The following UGP2 variants were observed in gnomAD, a reference collection of about 807,000 sequenced individuals.
The protein encoded by UGP2 is UTP--glucose-1-phosphate uridylyltransferase.
UGP2 carries 40 observed loss-of-function variants against 49.0 expected under a neutral mutation model. The observed-to-expected ratio is 0.82, with a 90% CI of 0.63 to 1.06. UGP2 has a LOEUF of 1.06. Ranked by LOEUF, UGP2 falls within the 50% of genes least tolerant of loss-of-function variation. The probability of loss-of-function intolerance (pLI) is 0.00; values close to 1 mark genes in which losing one functional copy is unlikely to be tolerated. For missense variants in UGP2, 460 were observed against 603.5 expected (o/e 0.76, Z 2.49); for synonymous variants, 225 against 213.0 (o/e 1.06, Z -0.49).
chr2:63,841,115 T>C (rs558833284), upstream of UGP2: 6 of 151,636 alleles, frequency 4.0e-5, no homozygotes, highest in East Asian at 9.8e-4. Flanking sequence ...AAGGTGTGCA[T>C]GTGTGAGGGA....
chr2:63,856,829 A>C (rs1175186334), intron 2 of UGP2: 10 of 458,468 alleles, frequency 2.2e-5, no homozygotes, highest in Non-Finnish European at 3.9e-5. Context: ...GACAATTGTC[A>C]TAGAAGTTTT....
chr2:63,869,300 A>G (rs1349317290), intron 3 of UGP2, among the ~76,000 whole-genome samples: 1 of 152,224 alleles, frequency 6.6e-6, no homozygotes, highest in African/African-American at 2.4e-5. Flanking sequence ...TGCCAATCTC[A>G]CTGTATTTAT....
At chr2:63,863,222 T>C (rs933737474) in intron 3 of UGP2, among the ~76,000 whole-genome samples, 10 of 152,226 alleles carry the variant, frequency 6.6e-5, no homozygotes, top group Admixed American at 4.6e-4. Flanking sequence ...TTGAACTTCT[T>C]AAAATTTCTA....
chr2:63,849,754 C>A (rs961913644), intron 1 of UGP2, among the ~76,000 whole-genome samples: 3 of 152,100 alleles, frequency 2.0e-5, no homozygotes, highest in Non-Finnish European at 2.9e-5. Flanking sequence ...AGAAACAGGG[C>A]GCCAGGCAAC....
At chr2:63,853,381 T>TAA (rs1247739704) in intron 1 of UGP2, among the ~76,000 whole-genome samples, 1 of 152,158 alleles carries the variant, frequency 6.6e-6, no homozygotes, top group African/African-American at 2.4e-5. Flanking sequence ...ATAATCAAGA[T>TAA]AGCTTTATCT....
chr2:63,874,570 CT>C (rs1007884536), intron 3 of UGP2, among the ~76,000 whole-genome samples: 31 of 152,100 alleles, frequency 2.0e-4, no homozygotes. Flanking sequence ...GAATAGAGCA[CT>C]TCAAGGTTTA....
intron 3 of UGP2, among the ~76,000 whole-genome samples, chr2:63,858,678 T>C (rs1260160516): frequency 6.6e-6 from 1 of 152,166 alleles, no homozygotes; most frequent in Non-Finnish European, 1.5e-5. Flanking sequence ...TTTAATTTCC[T>C]TGACCCTAGT....
At chr2:63,883,733 A>T (rs1192935139) in intron 4 of UGP2, among the ~76,000 whole-genome samples, 1 of 152,184 alleles carries the variant, frequency 6.6e-6, no homozygotes, top group Non-Finnish European at 1.5e-5. Flanking sequence ...TAAAATGCAG[A>T]CAGTAGTTTC....
chr2:63,842,567 G>A (rs1299787354), intron 1 of UGP2: 1 of 1,503,340 alleles, frequency 6.7e-7, no homozygotes, highest in Non-Finnish European at 8.9e-7. Context: ...AGACGGGAAG[G>A]GCTGGGGAAG....
At chr2:63,874,177 G>C (rs904619944) in intron 3 of UGP2, among the ~76,000 whole-genome samples, 1 of 152,142 alleles carries the variant, frequency 6.6e-6, no homozygotes, top group African/African-American at 2.4e-5. Flanking sequence ...AAGTGAAAGG[G>C]GAAAAAAATG....
At chr2:63,853,748 T>C (rs754949299) in intron 1 of UGP2, among the ~76,000 whole-genome samples, 2 of 152,192 alleles carry the variant, frequency 1.3e-5, no homozygotes, top group Non-Finnish European at 2.9e-5. Flanking sequence ...AACAAAAATA[T>C]TCACTTGTCA....
chr2:63,844,042 A>G (rs1671760165), intron 1 of UGP2, among the ~76,000 whole-genome samples: 1 of 152,216 alleles, frequency 6.6e-6, no homozygotes, highest in African/African-American at 2.4e-5. Context: ...ACTTAGGCAT[A>G]TGCCATAGCC....
At position 63,857,921 on chromosome 2, in the gene UGP2, A is replaced by AC. The variant is rs1441597493; in HGVS notation, c.245dup (p.Glu83Ter). The AC allele has an allele frequency of 2.5e-6, 4 of 1,613,582 alleles. No individual in the cohort carries two copies. The highest frequency in any genetic ancestry group is 1.1e-5 in the South Asian group (1 of 91,018). ...CTGTGGATTGGGGAAAAATCCAGAGACCCCCTGAAGATTCGGTAAGTTTTA... is the reference window on the plus strand; with the variant it reads ...CTGTGGATTGGGGAAAAATCCAGAGACCCCCCTGAAGATTCGGTAAGTTTTA... On this transcript the variant is annotated frameshift_variant, in exon 3 of 10. Transcript: ENST00000337130. LOFTEE classifies it high-confidence loss of function.
At chr2:63,862,714 G>T (rs1181668456) in intron 3 of UGP2, 1 of 423,552 alleles carries the variant, frequency 2.4e-6, no homozygotes, top group South Asian at 1.7e-5. Flanking sequence ...AAATCAGAGT[G>T]TGGGTTTAGG....
intron 3 of UGP2, among the ~76,000 whole-genome samples, chr2:63,867,412 A>C (rs1319327097): frequency 6.6e-6 from 1 of 152,188 alleles, no homozygotes; most frequent in African/African-American, 2.4e-5. Flanking sequence ...TAATAAAAGA[A>C]CCTACTTTAT....
At chr2:63,856,234 A>G (rs970871347) in intron 1 of UGP2, 72 bp from the exon 2 acceptor site, 6 of 1,539,298 alleles carry the variant, frequency 3.9e-6, no homozygotes, top group Middle Eastern at 1.8e-4. Context: ...ACCAGAAATC[A>G]GTTATAGCTT....
intron 3 of UGP2, among the ~76,000 whole-genome samples, chr2:63,877,449 G>A (rs114268555): frequency 1.1e-3 from 173 of 152,212 alleles, no homozygotes; most frequent in African/African-American, 4.0e-3. Flanking sequence ...GCATGTCGAC[G>A]GATAATTTCT....
chr2:63,854,170 G>A (rs983686006), intron 1 of UGP2, among the ~76,000 whole-genome samples: 4 of 152,204 alleles, frequency 2.6e-5, no homozygotes, highest in Non-Finnish European at 5.9e-5. Context: ...CCTTGGATAA[G>A]TCATTCAACT....
rs1168803144 is a variant in UGP2 at position 63,885,990 on chromosome 2, T to TG, written c.873+104_873+105insG. 9.6e-6 allele frequency: 12 copies of TG among 1,244,952 alleles called. No homozygotes were observed. The African/African-American group carries it at 1.7e-4, about 18-fold the overall frequency. 77.1% of individuals were successfully genotyped at this position (1,244,952 alleles called of 1,614,324 possible). ...GAAAGTTTCTATGTTAAACAACACA[T>TG]TTAATATGTTCTGTTTGACATAATA... On this transcript the variant is annotated intron_variant, in intron 6 of 9. Transcript: ENST00000337130.
Sources: allele counts gnomAD v4.1 joint callset (sites outside exome capture counted in the v4.1 genomes callset), GRCh38; gene constraint gnomAD v4.1.1; transcripts MANE v1.5; gene names NCBI Gene and HGNC (gene_info 2026-07-23, HGNC 2026-07-21).